The following NSRP1 variants were observed in gnomAD, a reference collection of about 807,000 sequenced individuals.
The protein encoded by NSRP1 is coiled-coil domain containing 55.
Under a neutral mutation model 54.7 loss-of-function variants are expected in NSRP1, and 24 were observed. The ratio of observed to expected loss-of-function variants is 0.44; its 90% CI spans 0.32 to 0.62. NSRP1 has a LOEUF of 0.62. NSRP1 is among the 20% of genes least tolerant of loss of function. The probability of loss-of-function intolerance (pLI) is 0.06; values close to 1 mark genes in which losing one functional copy is unlikely to be tolerated. For missense variants in NSRP1, 596 were observed against 651.2 expected (o/e 0.92, Z 0.92); for synonymous variants, 210 against 213.8 (o/e 0.98, Z 0.15).
chr17:30,176,807 A>G (rs1905143100), intron 3 of NSRP1, among the ~76,000 whole-genome samples: 1 of 152,188 alleles, frequency 6.6e-6, no homozygotes, highest in Non-Finnish European at 1.5e-5. Context: ...GAAAAAAATG[A>G]ATTTCTTAAT....
intron 3 of NSRP1, among the ~76,000 whole-genome samples, chr17:30,174,178 C>G (rs770620714): frequency 6.6e-6 from 1 of 152,076 alleles, no homozygotes; most frequent in African/African-American, 2.4e-5. Flanking sequence ...TCACTTAAAG[C>G]ATGAATCCCA....
chr17:30,149,304 C>G (rs1241564697), intron 2 of NSRP1, among the ~76,000 whole-genome samples: 3 of 152,156 alleles, frequency 2.0e-5, no homozygotes, highest in African/African-American at 4.8e-5. Context: ...CCAACCTTGG[C>G]CTCCCAGAGT....
intron 2 of NSRP1, among the ~76,000 whole-genome samples, chr17:30,171,564 C>T (rs1418671598): frequency 6.6e-6 from 1 of 152,110 alleles, no homozygotes; most frequent in Non-Finnish European, 1.5e-5. Flanking sequence ...GCCTCAGCCT[C>T]CCAAAGTGCT....
intron 2 of NSRP1, among the ~76,000 whole-genome samples, chr17:30,132,616 TATC>T (rs2071711456): frequency 6.6e-6 from 1 of 152,346 alleles, no homozygotes; most frequent in African/African-American, 2.4e-5. Context: ...ATTCAAGTTT[TATC>T]ATGAGATTGT....
intron 2 of NSRP1, among the ~76,000 whole-genome samples, chr17:30,169,719 A>G (rs143274929): frequency 1.3e-5 from 2 of 152,190 alleles, no homozygotes; most frequent in African/African-American, 4.8e-5. Flanking sequence ...TCAGTTTACC[A>G]TCACCTAAAA....
At position 30,129,316 on chromosome 17, in the gene NSRP1, TAAATGA is replaced by T. The variant is rs552038745; in HGVS notation, c.114+11150_114+11155del. On this transcript the variant is annotated intron_variant, in intron 2 of 6. Coordinates refer to ENST00000247026, the MANE Select transcript of NSRP1 (RefSeq NM_032141.4). ...AGGTGCACAGATAAGTAAAAAATAA[TAAATGA>T]AAATGATTACTTTTTAGCATGGTAG... 3.8e-3 allele frequency among the ~76,000 whole-genome samples: 585 copies of T among 151,976 alleles called. 1 individual carries two copies. Among genetic ancestry groups the T allele is most frequent in the Middle Eastern group, 0.014 (4 of 292 alleles).
intron 2 of NSRP1, among the ~76,000 whole-genome samples, chr17:30,159,814 A>G (rs1197747329): frequency 6.6e-6 from 1 of 151,982 alleles, no homozygotes; most frequent in African/African-American, 2.4e-5. Flanking sequence ...ATGCACCACC[A>G]TGTCTGGCTA....
At chr17:30,162,382 T>C (rs1474497103) in intron 2 of NSRP1, among the ~76,000 whole-genome samples, 1 of 152,202 alleles carries the variant, frequency 6.6e-6, no homozygotes, top group African/African-American at 2.4e-5. Flanking sequence ...GGTCTGAGCT[T>C]ATATTACATA....
At chr17:30,141,662 A>G (rs1212688312) in intron 2 of NSRP1, among the ~76,000 whole-genome samples, 2 of 152,174 alleles carry the variant, frequency 1.3e-5, no homozygotes, top group African/African-American at 4.8e-5. Flanking sequence ...TGCTTTGTTA[A>G]TTGGCACAAA....
chr17:30,134,793 G>A (rs2151883292), intron 2 of NSRP1, among the ~76,000 whole-genome samples: 1 of 152,260 alleles, frequency 6.6e-6, no homozygotes, highest in South Asian at 2.1e-4. Flanking sequence ...TAGAAAAAGG[G>A]TTAGTAGGGG....
At chr17:30,139,988 C>T (rs1461909582) in intron 2 of NSRP1, among the ~76,000 whole-genome samples, 2 of 152,168 alleles carry the variant, frequency 1.3e-5, no homozygotes, top group East Asian at 3.8e-4. Context: ...CGCACCACTG[C>T]ACTCCAGCCT....
chr17:30,159,471 AC>A (rs1904433130), intron 2 of NSRP1, among the ~76,000 whole-genome samples: 1 of 151,902 alleles, frequency 6.6e-6, no homozygotes, highest in African/African-American at 2.4e-5. Flanking sequence ...TCCTTCTCTT[AC>A]CTGATTGCTT....
chr17:30,127,212 A>G (rs990745757), intron 2 of NSRP1, among the ~76,000 whole-genome samples: 1 of 152,226 alleles, frequency 6.6e-6, no homozygotes, highest in Non-Finnish European at 1.5e-5. Flanking sequence ...AGATGGTTAG[A>G]TGTTGCATGA....
intron 2 of NSRP1, among the ~76,000 whole-genome samples, chr17:30,157,245 G>A (rs1416622092): frequency 6.6e-6 from 1 of 152,122 alleles, no homozygotes. Flanking sequence ...AATTAGTGAT[G>A]TTGGGCATTT....
chr17:30,126,226 C>T (rs1567789667), intron 2 of NSRP1: 1 of 152,164 alleles, frequency 6.6e-6, no homozygotes, highest in Non-Finnish European at 1.5e-5. Flanking sequence ...AAAACCTTCT[C>T]TATGCTTTGC....
chr17:30,174,873 A>C (rs897384214), intron 3 of NSRP1, among the ~76,000 whole-genome samples: 3 of 152,226 alleles, frequency 2.0e-5, no homozygotes, highest in Non-Finnish European at 4.4e-5. Context: ...GGCTTACTAA[A>C]GCTTCATTAA....
chr17:30,132,710 C>T (rs924680878), intron 2 of NSRP1, among the ~76,000 whole-genome samples: 1 of 152,206 alleles, frequency 6.6e-6, no homozygotes, highest in African/African-American at 2.4e-5. Context: ...GCCATTTCTA[C>T]CCCATCTGTA....
At position 30,185,826 on chromosome 17, in the gene NSRP1, CTTGGATGT is replaced by C. The variant is rs1194037088; in HGVS notation, c.*161_*168del. ...TTTAAGTTAAAAGTCAGTCTTACAG[CTTGGATGT>C]TTGGATGTGGATGTTTGGCTGAATT... On this transcript the variant is annotated 3_prime_UTR_variant, in exon 7 of 7. Coordinates refer to ENST00000247026, the MANE Select transcript of NSRP1 (RefSeq NM_032141.4). 5.1e-6 allele frequency: 4 copies of C among 780,270 alleles called. No individual in the cohort carries two copies. Among genetic ancestry groups the C allele is most frequent in the Non-Finnish European group, 7.7e-6 (4 of 516,476 alleles). The allele number at this position is 780,270 out of a possible 1,614,324, so 48.3% of individuals were successfully genotyped here.
intron 2 of NSRP1, among the ~76,000 whole-genome samples, chr17:30,152,823 A>G (rs954311163): frequency 1.0e-4 from 10 of 99,398 alleles, no homozygotes; most frequent in East Asian, 2.9e-4. Flanking sequence ...CTTTAATTCT[A>G]TTTTTCTGAT....
Sources: gnomAD v4.1 joint callset for allele counts (sites outside exome capture counted in the v4.1 genomes callset) on GRCh38, gnomAD v4.1.1 for gene constraint, MANE v1.5 for transcripts, NCBI Gene and HGNC (gene_info 2026-07-23, HGNC 2026-07-21) for gene names.